The following CHD1L variants were observed in gnomAD, a reference collection of about 807,000 sequenced individuals.
CHD1L encodes chromodomain helicase DNA binding protein 1 like.
CHD1L carries 118 observed loss-of-function variants against 115.9 expected under a neutral mutation model. The observed-to-expected ratio is 1.02, with a 90% CI of 0.88 to 1.19. CHD1L has a LOEUF of 1.19. Ranked by LOEUF, CHD1L falls within the 50% of genes most tolerant of loss-of-function variation. CHD1L has a pLI of 0.00. For synonymous variants in CHD1L, 411 were observed against 387.1 expected, an observed-to-expected ratio of 1.06 and a Z score of -0.72; for missense variants, 1,179 against 1,065.3, an observed-to-expected ratio of 1.11 and a Z score of -1.49.
Position 147,264,337 on chromosome 1 carries a change from CTG to C in CHD1L, c.577-80_577-79del, listed in dbSNP as rs1199389105. The C allele has an allele frequency of 1.3e-5, 16 of 1,225,862 alleles. No individual in the cohort carries two copies. The Admixed American group carries it at 2.4e-4, about 18-fold the overall frequency. The allele number at this position is 1,225,862 out of a possible 1,614,324, so 75.9% of individuals were successfully genotyped here. A position where few individuals can be genotyped will look rare whatever the true frequency, so the allele number is the denominator to read the frequency against. The stretch of plus-strand genomic sequence containing the variant: ...TCATTTCATTAAATCATGCCTCTCT[CTG>C]TGTGGGTAAAGGTTGTGATGGGTAA... On this transcript the variant is annotated intron_variant, in intron 6 of 22. Coordinates refer to ENST00000369258, the MANE Select transcript of CHD1L (RefSeq NM_004284.6).
At chr1:147,252,809 C>T in intron 2 of CHD1L, 74 bp downstream of exon 2, 1 of 1,238,156 alleles carries the variant, frequency 8.1e-7, no homozygotes, top group Non-Finnish European at 1.2e-6. Flanking sequence ...GAGCTGAGAG[C>T]TCTGGAGCTA....
the CHD1L span, chr1:147,225,930 T>C: frequency 6.6e-6 from 1 of 152,184 alleles, no homozygotes; most frequent in East Asian, 1.9e-4. Flanking sequence ...GAAAGGGTCG[T>C]GATACATCAA....
intron 10 of CHD1L, among the ~76,000 whole-genome samples, chr1:147,270,109 C>T (rs74121877): frequency 0.02 from 2,998 of 152,248 alleles, 83 homozygotes; most frequent in African/African-American, 0.068. Context: ...GCTTTCTCTA[C>T]CCATTTGGGG....
chr1:147,271,085 G>A (rs1676032357), intron 11 of CHD1L, 80 bp downstream of exon 11: 2 of 1,170,464 alleles, frequency 1.7e-6, no homozygotes, highest in Non-Finnish European at 2.5e-6. Context: ...AATAATATGG[G>A]ATATGAGAAT....
intron 6 of CHD1L, among the ~76,000 whole-genome samples, chr1:147,261,773 C>T (rs1477345643): frequency 6.6e-6 from 1 of 152,060 alleles, no homozygotes; most frequent in Admixed American, 6.5e-5. Flanking sequence ...CTAAGCATTC[C>T]TTTTTAGATG....
chr1:147,272,375 C>CT (rs1229983550), intron 12 of CHD1L, 94 bp downstream of exon 12: 12 of 871,814 alleles, frequency 1.4e-5, no homozygotes, highest in Admixed American at 1.0e-4. Context: ...CCTTAATTCT[C>CT]TGAAAGGTGA....
intron 18 of CHD1L, among the ~76,000 whole-genome samples, chr1:147,287,061 T>G (rs2102935077): frequency 6.6e-6 from 1 of 152,338 alleles, no homozygotes; most frequent in Middle Eastern, 3.4e-3. Context: ...TTTGTTTATT[T>G]GACTGTTGCT....
the CHD1L span, chr1:147,179,516 AG>A: frequency 9.5e-6 from 15 of 1,578,260 alleles, no homozygotes; most frequent in Non-Finnish European, 1.3e-5. Context: ...AGAAATATGA[AG>A]GTGGCCATGA....
At chr1:147,191,025 ATGGC>A in the CHD1L span, among the ~76,000 whole-genome samples, 1 of 152,076 alleles carries the variant, frequency 6.6e-6, no homozygotes, top group African/African-American at 2.4e-5. Flanking sequence ...TTCATTTTTT[ATGGC>A]TGCATAATAT....
intron 12 of CHD1L, among the ~76,000 whole-genome samples, chr1:147,273,117 C>T (rs1178967911): frequency 5.3e-5 from 8 of 152,074 alleles, no homozygotes; most frequent in African/African-American, 1.2e-4. Context: ...GCAGGAGAAC[C>T]GCTGGAATCC....
intron 2 of CHD1L, among the ~76,000 whole-genome samples, chr1:147,253,322 G>C (rs1388048997): frequency 6.6e-6 from 1 of 152,126 alleles, no homozygotes; most frequent in African/African-American, 2.4e-5. Context: ...CATCCTCAGG[G>C]AAAGCTAGAC....
At chr1:147,207,728 G>A in the CHD1L span, among the ~76,000 whole-genome samples, 1 of 152,062 alleles carries the variant, frequency 6.6e-6, no homozygotes, top group Non-Finnish European at 1.5e-5. Flanking sequence ...CTGGTTCCGG[G>A]AATACCTCTG....
chr1:147,229,028 C>T, the CHD1L span, among the ~76,000 whole-genome samples: 2 of 152,030 alleles, frequency 1.3e-5, no homozygotes, highest in Non-Finnish European at 2.9e-5. Flanking sequence ...ATCCCATTTG[C>T]CAATTTTGGC....
At chr1:147,213,949 G>C in the CHD1L span, among the ~76,000 whole-genome samples, 4 of 152,186 alleles carry the variant, frequency 2.6e-5, no homozygotes, top group South Asian at 8.3e-4. Context: ...AAACACCTCA[G>C]TGGCTCTCAT....
At chr1:147,194,841 T>C in the CHD1L span, among the ~76,000 whole-genome samples, 1 of 152,186 alleles carries the variant, frequency 6.6e-6, no homozygotes, top group South Asian at 2.1e-4. Context: ...TGGCCCCCAC[T>C]CTCTTCTGGC....
chr1:147,174,659 G>A, the CHD1L span: 1 of 152,074 alleles, frequency 6.6e-6, no homozygotes, highest in African/African-American at 2.4e-5. Context: ...CAAATGTAAT[G>A]TGACACTGTA....
chr1:147,209,387 A>G, the CHD1L span, among the ~76,000 whole-genome samples: 818 of 150,240 alleles, frequency 5.4e-3, 7 homozygotes, highest in African/African-American at 0.017. Context: ...GCAGTGAGCC[A>G]AGATCGCACC....
chr1:147,186,470 A>C, the CHD1L span: 1 of 972,284 alleles, frequency 1.0e-6, no homozygotes, highest in Admixed American at 6.0e-5. Context: ...ATGAAAAAAA[A>C]CTAAAATTGA....
the CHD1L span, chr1:147,178,095 C>T: frequency 1.7e-5 from 26 of 1,516,702 alleles, no homozygotes; most frequent in South Asian, 9.6e-5. Flanking sequence ...TCCGGCTGCC[C>T]CCACCCCACC....
Sources: gnomAD v4.1 joint callset for allele counts (sites outside exome capture counted in the v4.1 genomes callset) on GRCh38, gnomAD v4.1.1 for gene constraint, MANE v1.5 for transcripts, NCBI Gene and HGNC (gene_info 2026-07-23, HGNC 2026-07-21) for gene names.